DMD: variants seen among roughly 807,000 people sequenced by gnomAD.
DMD encodes mutant dystrophin.
DMD carries 63 observed loss-of-function variants against 330.1 expected under a neutral mutation model. The observed-to-expected ratio is 0.19, with a 90% CI of 0.16 to 0.24. DMD has a LOEUF of 0.24. Among genes scored for constraint, DMD ranks in the 10% least tolerant of loss-of-function variants. The pLI is 1.00. For synonymous variants in DMD, 1,223 were observed against 959.8 expected, an observed-to-expected ratio of 1.27 and a Z score of -5.07; for missense variants, 3,344 against 2,684.1, an observed-to-expected ratio of 1.25 and a Z score of -5.43.
intron 1 of DMD, among the ~76,000 whole-genome samples, chrX:33,251,165 T>C (rs1450155458): frequency 9.0e-6 from 1 of 111,723 alleles, no homozygotes; most frequent in African/African-American, 3.2e-5. Context: ...AATTAATTAA[T>C]TAATAAGATA....
intron 74 of DMD, among the ~76,000 whole-genome samples, chrX:31,160,755 T>C (rs1266237021): frequency 8.9e-6 from 1 of 111,866 alleles, no homozygotes; most frequent in African/African-American, 3.3e-5. Context: ...TTCTGCAGAA[T>C]ACATTTTAGG....
chrX:32,435,275 C>CATATATATATATAT (rs57376337), intron 29 of DMD, among the ~76,000 whole-genome samples: 1,362 of 79,520 alleles, frequency 0.017, 25 homozygotes, highest in East Asian at 0.049. Flanking sequence ...TATATACTTA[C>CATATATATATATAT]ATATATATAT....
chrX:32,866,716 C>CTTTTTT (rs753731804), intron 2 of DMD, among the ~76,000 whole-genome samples: 3 of 37,429 alleles, frequency 8.0e-5, no homozygotes, highest in African/African-American at 4.1e-4. Context: ...CATACACACA[C>CTTTTTT]TTTTTTTTGG....
intron 29 of DMD, among the ~76,000 whole-genome samples, chrX:32,426,271 C>G (rs2098212368): frequency 9.0e-6 from 1 of 111,461 alleles, no homozygotes; most frequent in Admixed American, 9.5e-5. Flanking sequence ...CTCTAAGTAA[C>G]TTAAACAAAT....
intron 54 of DMD, among the ~76,000 whole-genome samples, chrX:31,653,065 T>C (rs1298100226): frequency 1.8e-5 from 2 of 111,462 alleles, no homozygotes; most frequent in African/African-American, 3.2e-5. Context: ...AAAAGAGATC[T>C]AGTGTTTAAC....
chrX:32,348,418 G>A lies in DMD; in HGVS notation c.5436C>T (p.Phe1812=), dbSNP rs752283090. Residue 1812 remains phenylalanine, a synonymous_variant, in exon 38 of 79, where the codon TTC becomes TTT. Transcript: ENST00000357033. Reference sequence around the variant, plus strand: ...ACAACCAATTTACCATATCTTTATTGAAGTCTTCCTCTTTCAGATTCACCC... The same window carrying A: ...ACAACCAATTTACCATATCTTTATTAAAGTCTTCCTCTTTCAGATTCACCC... ...QQGVNLKEED[F]NKDMNEDNEG... 1 of 1,207,142 alleles carries A rather than the reference G, an allele frequency of 8.3e-7. No homozygotes were observed. Among genetic ancestry groups the A allele is most frequent in the Admixed American group, 2.2e-5 (1 of 45,778 alleles).
chrX:32,702,723 C>T (rs924762189), intron 7 of DMD, among the ~76,000 whole-genome samples: 2 of 111,193 alleles, frequency 1.8e-5, no homozygotes, highest in Non-Finnish European at 3.8e-5. Context: ...ATCTAAGGTA[C>T]AACTGTGTAC....
intron 44 of DMD, among the ~76,000 whole-genome samples, chrX:32,079,663 A>T (rs1037197058): frequency 4.5e-5 from 5 of 111,433 alleles, no homozygotes; most frequent in African/African-American, 1.6e-4. Context: ...GGAGGGGAAA[A>T]AAAAAGAAAA....
intron 2 of DMD, among the ~76,000 whole-genome samples, chrX:32,938,080 T>C (rs1431377133): frequency 9.0e-6 from 1 of 111,410 alleles, no homozygotes; most frequent in East Asian, 2.8e-4. Context: ...CAGATATCAC[T>C]GTTTGTAAAC....
chrX:31,339,968 G>T (rs1425397462), intron 61 of DMD, among the ~76,000 whole-genome samples: 1 of 112,750 alleles, frequency 8.9e-6, no homozygotes. Context: ...GGTAGCATAG[G>T]TTGGAGCACT....
intron 1 of DMD, among the ~76,000 whole-genome samples, chrX:33,058,515 A>T (rs1036942653): frequency 4.7e-5 from 5 of 106,711 alleles, no homozygotes; most frequent in Admixed American, 1.0e-4. Flanking sequence ...GTTGCCCAGG[A>T]TAGTCTAAAA....
chrX:32,468,690 T>A lies in DMD; in HGVS notation c.2970A>T (p.Gln990His). 8.3e-7 allele frequency: 1 copy of A among 1,210,898 alleles called. No homozygotes were observed. Among genetic ancestry groups the A allele is most frequent in the Non-Finnish European group, 1.1e-6 (1 of 894,980 alleles). Residue 990 changes from glutamine (Q) to histidine (H), a missense_variant, in exon 23 of 79, where the codon CAA becomes CAT. Transcript: ENST00000357033. ...GATAGTATAGGCCACTTTGTTGCTC[T>A]TGCAGAGAACTTTGTAAAGCCTAAA... ...GELQALQSSLQEQQSGLYYLS... is the reference protein window; with the variant it reads ...GELQALQSSLHEQQSGLYYLS...
chrX:32,698,081 T>C (rs2063789657), intron 8 of DMD, 83 bp from the exon 9 acceptor site: 1 of 987,546 alleles, frequency 1.0e-6, no homozygotes, highest in Non-Finnish European at 1.4e-6. Context: ...TCCAACATGG[T>C]AGAAAACAGA....
chrX:32,188,021 A>G (rs1159603658), intron 44 of DMD, among the ~76,000 whole-genome samples: 1 of 111,182 alleles, frequency 9.0e-6, no homozygotes, highest in Non-Finnish European at 1.9e-5. Context: ...TTATCTGGTG[A>G]CAAATAGTTC....
chrX:31,135,288 CTT>C (rs967454336), intron 76 of DMD, among the ~76,000 whole-genome samples: 2 of 111,546 alleles, frequency 1.8e-5, no homozygotes, highest in African/African-American at 6.5e-5. Context: ...TTTTTTCACT[CTT>C]TGTTTTGACA....
chrX:31,240,824 A>G (rs1219998132), intron 63 of DMD, among the ~76,000 whole-genome samples: 1 of 112,019 alleles, frequency 8.9e-6, no homozygotes, highest in Non-Finnish European at 1.9e-5. Context: ...TTTATAAATA[A>G]GGAAACCAAA....
intron 44 of DMD, among the ~76,000 whole-genome samples, chrX:32,043,133 C>T (rs2096025051): frequency 1.8e-5 from 2 of 111,698 alleles, no homozygotes; most frequent in South Asian, 7.5e-4. Flanking sequence ...TCAATATATA[C>T]ACCTTCCTCA....
chrX:32,567,552 A>G (rs969537364), intron 15 of DMD, among the ~76,000 whole-genome samples: 1 of 111,234 alleles, frequency 9.0e-6, no homozygotes, highest in African/African-American at 3.3e-5. Context: ...CATGCCACTA[A>G]GCCCAGCTAA....
chrX:32,174,533 A>G (rs2013131398), intron 44 of DMD, among the ~76,000 whole-genome samples: 1 of 112,041 alleles, frequency 8.9e-6, no homozygotes, highest in South Asian at 3.7e-4. Flanking sequence ...CTGCTTCAAC[A>G]TTCTAACAGC....
Sources: gnomAD v4.1 joint callset for allele counts (sites outside exome capture counted in the v4.1 genomes callset) on GRCh38, gnomAD v4.1.1 for gene constraint, MANE v1.5 for transcripts, NCBI Gene and HGNC (gene_info 2026-07-23, HGNC 2026-07-21) for gene names.